Variants in ADAMTS10 observed in about 807,000 individuals in gnomAD.
ADAMTS10 encodes the protein A disintegrin and metalloproteinase with thrombospondin motifs 10.
ADAMTS10 carries 48 observed loss-of-function variants against 135.9 expected under a neutral mutation model. That is an observed-to-expected ratio of 0.35 (90% confidence interval 0.28 to 0.45). The LOEUF is 0.45. ADAMTS10 is among the 20% of genes least tolerant of loss of function. The pLI is 1.00. For synonymous variants in ADAMTS10, 621 were observed against 647.5 expected, an observed-to-expected ratio of 0.96 and a Z score of 0.62; for missense variants, 1,131 against 1,565.2, an observed-to-expected ratio of 0.72 and a Z score of 4.68.
chr19:8,593,028 C>G, intron 12 of ADAMTS10, 158 bp from the exon 13 acceptor site: 1 of 697,160 alleles, frequency 1.4e-6, no homozygotes, highest in Non-Finnish European at 2.6e-6. Context: ...CGTGCATCCC[C>G]TTGCGGGGCA....
At chr19:8,585,812 C>T in intron 22 of ADAMTS10, 152 bp from the exon 23 acceptor site, 1 of 869,794 alleles carries the variant, frequency 1.1e-6, no homozygotes, top group Non-Finnish European at 1.8e-6. Flanking sequence ...CTTGGGGCAT[C>T]GTTAGCCTGC....
At position 8,601,348 on chromosome 19, in the gene ADAMTS10, T is replaced by A. The variant is rs979322373; in HGVS notation, c.593-203A>T. Among the ~76,000 whole-genome samples the A allele has an allele frequency of 6.6e-5, 10 of 150,468 alleles. No homozygotes were observed. Among genetic ancestry groups the A allele is most frequent in the Admixed American group, 2.0e-4 (3 of 15,018 alleles). On this transcript the variant is annotated intron_variant, in intron 5 of 25. Coordinates refer to ENST00000597188, the MANE Select transcript of ADAMTS10 (RefSeq NM_030957.4). The surrounding 1 kb of genome is among the most constrained non-coding windows in gnomAD (Gnocchi z 4.6). ...GCCCAATGGGCTGCCAAACACCTCA[T>A]CGTTTTTCTTATTCTTTTTTTTTTT... is the stretch of plus-strand genomic sequence containing the variant.
In ADAMTS10 at chr19:8,589,311, C is replaced by T. The variant is rs1294514826; in HGVS notation, c.2089G>A (p.Val697Met). Residue 697 changes from valine to methionine, a missense_variant, in exon 18 of 26, where the codon GTG (valine) becomes ATG (methionine). Val to Met is a conservative substitution (Grantham distance 21, BLOSUM62 1). Around this residue, in one of 3 missense-constraint regions of ADAMTS10, gnomAD observed 745 missense variants for 1,056.3 expected, o/e 0.71. Transcript: ENST00000597188. ...CAGGCACTGCCGTCACCGCCACACACTCGGCACTTGTCCTCCCGCAGGTCG... is the reference window on the plus strand; with the variant it reads ...CAGGCACTGCCGTCACCGCCACACATTCGGCACTTGTCCTCCCGCAGGTCG... ...GSDLREDKCR[V>M]CGGDGSACET... 6.2e-7 allele frequency: 1 copy of T among 1,612,656 alleles called. No homozygotes were observed. The highest frequency in any genetic ancestry group is 1.3e-5 in the African/African-American group (1 of 74,942).
chr19:8,598,777 G>A (rs914404948), intron 6 of ADAMTS10, among the ~76,000 whole-genome samples: 22 of 151,884 alleles, frequency 1.4e-4, no homozygotes, highest in Non-Finnish European at 3.1e-4. Flanking sequence ...ATTTCACCAT[G>A]TTGGCCAGGC....
At chr19:8,587,044 G>A (rs2042442787) in intron 18 of ADAMTS10, 148 bp from the exon 19 acceptor site, 1 of 881,380 alleles carries the variant, frequency 1.1e-6, no homozygotes, top group Admixed American at 2.0e-5. Flanking sequence ...TGTGAACCAG[G>A]TGTTTCATTA....
chr19:8,604,828 C>T, intron 4 of ADAMTS10, 184 bp downstream of exon 4: 1 of 685,254 alleles, frequency 1.5e-6, no homozygotes. Context: ...AATTTTCAGC[C>T]TTACCTAAGG....
chr19:8,589,090 C>G, intron 18 of ADAMTS10, 152 bp downstream of exon 18: 1 of 1,334,904 alleles, frequency 7.5e-7, no homozygotes, highest in Non-Finnish European at 1.0e-6. Context: ...CTTCACCTGG[C>G]TGAGCCCGCA....
chr19:8,590,692 T>G (rs1019204307), intron 15 of ADAMTS10, among the ~76,000 whole-genome samples: 1 of 152,164 alleles, frequency 6.6e-6, no homozygotes, highest in Non-Finnish European at 1.5e-5. Flanking sequence ...ACTCCTGACC[T>G]CAGGTGATTG....
At chr19:8,588,798 T>C (rs2042475329) in intron 18 of ADAMTS10, among the ~76,000 whole-genome samples, 1 of 151,292 alleles carries the variant, frequency 6.6e-6, no homozygotes, top group Non-Finnish European at 1.5e-5. Flanking sequence ...CCTGAGACAC[T>C]CTTTTTTTTT....
chr19:8,592,225 G>A (rs1288094460), intron 13 of ADAMTS10, 122 bp from the exon 14 acceptor site: 68 of 1,536,274 alleles, frequency 4.4e-5, no homozygotes, highest in Non-Finnish European at 5.9e-5. Flanking sequence ...GGCAGAGGCG[G>A]GGTCTGAACA....
Position 8,596,994 on chromosome 19 carries a change from T to C in ADAMTS10, c.1033A>G (p.Ile345Val), listed in dbSNP as rs2042612626. ...CCTCTCCTGTCCCCTCACCGTGTGA[T>C]GAGCACTGCTGTGTCATGGTTAGCC... ...GVANHDTAVL[I>V]TRYDICIYKN... Residue 345 changes from isoleucine (I) to valine (V), a missense_variant, in exon 8 of 26, where the codon ATC becomes GTC. This residue lies in a region of ADAMTS10 where 80 missense variants were observed against 164.4 expected (regional missense o/e 0.49). Transcript: ENST00000597188. The surrounding 1 kb of genome is among the most constrained non-coding windows in gnomAD (Gnocchi z 7.2). 1 of 1,613,626 alleles carries C rather than the reference T, an allele frequency of 6.2e-7. No homozygotes were observed. Among genetic ancestry groups the C allele is most frequent in the South Asian group, 1.1e-5 (1 of 91,080 alleles).
intron 15 of ADAMTS10, among the ~76,000 whole-genome samples, chr19:8,590,702 G>A (rs1259487995): frequency 6.6e-6 from 1 of 151,716 alleles, no homozygotes; most frequent in Admixed American, 6.6e-5. Flanking sequence ...TCAGGTGATT[G>A]ACCCGCCTCG....
In ADAMTS10 at chr19:8,605,324, G is replaced by C. The variant is rs1193198006; in HGVS notation, c.123C>G (p.Ile41Met). 1 of 1,608,502 alleles carries C rather than the reference G, an allele frequency of 6.2e-7. No individual in the cohort carries two copies. The highest frequency in any genetic ancestry group is 8.5e-7 in the Non-Finnish European group (1 of 1,177,616). ...TGTGGTCCACGCGGGTGGGGAAGGC[G>C]ATCTCATAGCTCTCCAGACTGGACA... ...EFLSSLESYEIAFPTRVDHNG... is the reference protein window; with the variant it reads ...EFLSSLESYEMAFPTRVDHNG... The change falls in exon 4 of 26, where the codon ATC becomes ATG. Residue 41 changes from isoleucine (I) to methionine (M), a missense_variant. By Grantham distance (10) the Ile-to-Met change is conservative (BLOSUM62 1). Coordinates refer to ENST00000597188, the MANE Select transcript of ADAMTS10 (RefSeq NM_030957.4). This position sits in a 1 kb window ranked among gnomAD's most constrained non-coding sequence, Gnocchi z 7.7.
chr19:8,590,758 C>T (rs533602673), intron 15 of ADAMTS10, among the ~76,000 whole-genome samples: 11 of 152,242 alleles, frequency 7.2e-5, no homozygotes, highest in Admixed American at 5.2e-4. Flanking sequence ...CCTCATCCGG[C>T]CTAATTTTTG....
rs111492620 is a variant in ADAMTS10 at position 8,610,422 on chromosome 19, G to GACACACACACACACAC, written c.-215+206_-215+221dup. Among the ~76,000 whole-genome samples, 940 of 145,680 alleles carry GACACACACACACACAC rather than the reference G, an allele frequency of 6.5e-3. 11 individuals carry two copies. Among genetic ancestry groups the GACACACACACACACAC allele is most frequent in the African/African-American group, 0.022 (845 of 38,920 alleles). On this transcript the variant is annotated intron_variant, in intron 1 of 25. Transcript: ENST00000597188. ...CAACCACTCTGCCCCTACGTGGACGGACACACACACACACACACACACACA... is the reference window on the plus strand; with the variant it reads ...CAACCACTCTGCCCCTACGTGGACGGACACACACACACACACACACACACACACACACACACACACA...
In ADAMTS10 at chr19:8,605,514, T is replaced by C; in HGVS notation, c.88+109A>G. The C allele has an allele frequency of 6.8e-7, 1 of 1,461,938 alleles. No homozygotes were observed. The highest frequency in any genetic ancestry group is 9.3e-7 in the Non-Finnish European group (1 of 1,073,928). 90.6% of individuals were successfully genotyped at this position (1,461,938 alleles called of 1,614,324 possible). On this transcript the variant is annotated intron_variant, in intron 3 of 25. Transcript: ENST00000597188. The surrounding 1 kb of genome is among the most constrained non-coding windows in gnomAD (Gnocchi z 7.7). ...CTCCCGCCTATTGACCCCAGGGCCT[T>C]CCCCCATTGACCCCCATCCCAGCCC...
intron 18 of ADAMTS10, among the ~76,000 whole-genome samples, chr19:8,587,570 G>T (rs764022341): frequency 1.2e-3 from 182 of 151,282 alleles, no homozygotes; most frequent in Non-Finnish European, 2.3e-3. Flanking sequence ...GGGCTCAAGG[G>T]ATCCTCCTGC....
Position 8,605,774 on chromosome 19 carries a change from TC to T in ADAMTS10, c.-65del. The T allele has an allele frequency of 6.5e-7, 1 of 1,547,794 alleles. No homozygotes were observed. ...TGCCGGCAGCCCCCACAGTGCCGCC[TC>T]CCCTGTTCACAGCCTTCGCAGCATC... On this transcript the variant is annotated 5_prime_UTR_variant, in exon 3 of 26. Transcript: ENST00000597188. The surrounding 1 kb of genome is among the most constrained non-coding windows in gnomAD (Gnocchi z 7.7).
chr19:8,595,155 G>C (rs1439568725), intron 12 of ADAMTS10, among the ~76,000 whole-genome samples: 1 of 152,156 alleles, frequency 6.6e-6, no homozygotes, highest in Non-Finnish European at 1.5e-5. Context: ...GATCCTGGCT[G>C]AACCTTGGTG....
Sources: allele counts gnomAD v4.1 joint callset (sites outside exome capture counted in the v4.1 genomes callset), GRCh38; gene constraint gnomAD v4.1.1; regional missense constraint gnomAD v4.1.1; non-coding constraint Gnocchi (gnomAD v3.1); transcripts MANE v1.5; gene names NCBI Gene and HGNC (gene_info 2026-07-23, HGNC 2026-07-21).